The following TBC1D23 variants were observed in gnomAD, a reference collection of about 807,000 sequenced individuals.
The protein encoded by TBC1D23 is TBC1 domain family member 23, also known as HCV non-structural protein 4A-transactivated protein 1.
In TBC1D23, 55 loss-of-function variants were observed where a neutral mutation model predicts 91.4. The ratio of observed to expected loss-of-function variants is 0.60; its 90% CI spans 0.48 to 0.75. TBC1D23 has a LOEUF of 0.75. TBC1D23 is among the 30% of genes least tolerant of loss of function. The probability of loss-of-function intolerance (pLI) is 0.00; values close to 1 mark genes in which losing one functional copy is unlikely to be tolerated. For missense variants in TBC1D23, 725 were observed against 836.1 expected, an observed-to-expected ratio of 0.87 and a Z score of 1.64; for synonymous variants, 289 against 281.0, an observed-to-expected ratio of 1.03 and a Z score of -0.28.
Position 100,297,782 on chromosome 3 carries a change from A to G in TBC1D23, c.877-141A>G, listed in dbSNP as rs538185772. ...TGTAGTTCTTAGCCTATAAAATTTGAGATTATGTAGTATTAAGTTTTAAAA... is the reference window on the plus strand; with the variant it reads ...TGTAGTTCTTAGCCTATAAAATTTGGGATTATGTAGTATTAAGTTTTAAAA... On this transcript the variant is annotated intron_variant, in intron 8 of 18. Coordinates refer to ENST00000394144, the MANE Select transcript of TBC1D23 (RefSeq NM_001199198.3). 15 of 577,834 alleles carry G rather than the reference A, an allele frequency of 2.6e-5. No individual in the cohort carries two copies. The South Asian group carries it at 5.0e-4, about 19-fold the overall frequency. 35.8% of individuals were successfully genotyped at this position (577,834 alleles called of 1,614,324 possible). A position where few individuals can be genotyped will look rare whatever the true frequency, so the allele number is the denominator to read the frequency against.
At chr3:100,310,646 G>T in intron 14 of TBC1D23, 104 bp downstream of exon 14, 1 of 825,442 alleles carries the variant, frequency 1.2e-6, no homozygotes, top group Non-Finnish European at 1.8e-6. Context: ...TTCCAGAAAA[G>T]GATTATAAAG....
At chr3:100,306,390 G>C (rs773306858) in intron 12 of TBC1D23, 47 bp from the exon 13 acceptor site, 3 of 1,105,146 alleles carry the variant, frequency 2.7e-6, no homozygotes, top group African/African-American at 3.1e-5. Context: ...TTTTTCCAAA[G>C]AGTGTTGATA....
At chr3:100,279,450 A>T (rs1005758976) in intron 1 of TBC1D23, 199 bp from the exon 2 acceptor site, 3 of 398,660 alleles carry the variant, frequency 7.5e-6, no homozygotes. Flanking sequence ...AACTAAGGGT[A>T]AAATGAGAGT....
intron 4 of TBC1D23, among the ~76,000 whole-genome samples, chr3:100,286,696 C>T (rs1412415354): frequency 6.6e-6 from 1 of 152,096 alleles, no homozygotes; most frequent in Non-Finnish European, 1.5e-5. Flanking sequence ...TGGGGTTTCA[C>T]CATTGGTCAG....
chr3:100,289,164 G>A (rs1417570473), intron 4 of TBC1D23, among the ~76,000 whole-genome samples: 4 of 151,966 alleles, frequency 2.6e-5, no homozygotes, highest in Admixed American at 6.6e-5. Flanking sequence ...GCAGTGAGCC[G>A]AGATCACGCC....
At chr3:100,321,371 T>C (rs1006488306) in intron 18 of TBC1D23, among the ~76,000 whole-genome samples, 2 of 152,200 alleles carry the variant, frequency 1.3e-5, no homozygotes, top group Non-Finnish European at 2.9e-5. Flanking sequence ...TATAGGTAAT[T>C]TACAGCCTGG....
chr3:100,323,545 G>A, intron 18 of TBC1D23, 42 bp from the exon 19 acceptor site: 3 of 902,472 alleles, frequency 3.3e-6, no homozygotes, highest in South Asian at 3.0e-5. Context: ...ATATACATAT[G>A]TATATATATA....
At chr3:100,288,242 T>TAAAA (rs57164675) in intron 4 of TBC1D23, among the ~76,000 whole-genome samples, 1 of 139,454 alleles carries the variant, frequency 7.2e-6, no homozygotes, top group Admixed American at 7.3e-5. Context: ...AGACCCTGTC[T>TAAAA]AAAAAAAAAA....
chr3:100,289,456 C>A (rs976512501), intron 4 of TBC1D23, among the ~76,000 whole-genome samples: 13 of 152,090 alleles, frequency 8.5e-5, no homozygotes, highest in Admixed American at 3.9e-4. Flanking sequence ...GATAATGCTT[C>A]TGAATTTGAG....
Position 100,323,644 on chromosome 3 carries a change from A to G in TBC1D23, c.2076A>G (p.Lys692=). The G allele has an allele frequency of 6.5e-7, 1 of 1,534,528 alleles. No homozygotes were observed. Among genetic ancestry groups the G allele is most frequent in the Non-Finnish European group, 8.8e-7 (1 of 1,141,364 alleles). The change falls in exon 19 of 19, where the codon AAA becomes AAG. Residue 692 remains lysine, a synonymous_variant. Transcript: ENST00000394144. ...ATKAIKQQIM[K]VLDALES ...AAGCCATAAAACAGCAGATCATGAA[A>G]GTTTTGGATGCTTTGGAAAGTTAAT...
chr3:100,324,224 C>T lies in TBC1D23; in HGVS notation c.*556C>T, dbSNP rs1705915186. 6.6e-6 allele frequency: 1 copy of T among 152,272 alleles called. No individual in the cohort carries two copies. Among genetic ancestry groups the T allele is most frequent in the South Asian group, 2.1e-4 (1 of 4,824 alleles). 9.4% of individuals were successfully genotyped at this position (152,272 alleles called of 1,614,324 possible). Reference sequence around the variant, plus strand: ...TGAAGATTCCTGCCAACTCAAAATACAGTACAGCTAGTAAAATGTTGAAAC... The same window carrying T: ...TGAAGATTCCTGCCAACTCAAAATATAGTACAGCTAGTAAAATGTTGAAAC... On this transcript the variant is annotated 3_prime_UTR_variant, in exon 19 of 19. Transcript: ENST00000394144.
intron 2 of TBC1D23, among the ~76,000 whole-genome samples, chr3:100,280,001 G>T (rs897967382): frequency 6.6e-6 from 1 of 152,110 alleles, no homozygotes; most frequent in East Asian, 1.9e-4. Context: ...TGGTGTTTAT[G>T]GGGCCAGGCA....
At chr3:100,317,005 C>A (rs974709647) in intron 16 of TBC1D23, among the ~76,000 whole-genome samples, 74 of 151,600 alleles carry the variant, frequency 4.9e-4, no homozygotes, top group African/African-American at 1.8e-3. Context: ...ATCGCTTTAA[C>A]CCAGGAGGCG....
intron 15 of TBC1D23, among the ~76,000 whole-genome samples, chr3:100,315,009 T>TA (rs905283334): frequency 4.6e-5 from 7 of 152,174 alleles, no homozygotes; most frequent in African/African-American, 1.7e-4. Context: ...ATTTTAATTT[T>TA]ACCTGTTAGT....
chr3:100,281,277 T>C (rs1210645781), intron 2 of TBC1D23, among the ~76,000 whole-genome samples: 1 of 152,240 alleles, frequency 6.6e-6, no homozygotes, highest in Non-Finnish European at 1.5e-5. Flanking sequence ...GGTCTACCTG[T>C]TGCATTTGGA....
chr3:100,310,846 T>C (rs1254173175), intron 14 of TBC1D23, among the ~76,000 whole-genome samples: 2 of 152,192 alleles, frequency 1.3e-5, no homozygotes, highest in Non-Finnish European at 2.9e-5. Flanking sequence ...AAATGTCAAA[T>C]GGATGGAGAA....
At chr3:100,299,165 AACTGTGAATATTAT>A in intron 9 of TBC1D23, 60 bp from the exon 10 acceptor site, 2 of 928,396 alleles carry the variant, frequency 2.2e-6, no homozygotes, top group Non-Finnish European at 3.4e-6. Context: ...TTATTTGGTT[AACTGTGAATATTAT>A]GTTGTGCAAT....
At chr3:100,306,792 A>C (rs1420266315) in intron 13 of TBC1D23, among the ~76,000 whole-genome samples, 1 of 152,218 alleles carries the variant, frequency 6.6e-6, no homozygotes. Flanking sequence ...TGCTGAATTC[A>C]AATTTCTCCC....
intron 1 of TBC1D23, among the ~76,000 whole-genome samples, chr3:100,269,787 AT>A (rs1305295164): frequency 6.6e-6 from 1 of 152,218 alleles, no homozygotes; most frequent in African/African-American, 2.4e-5. Flanking sequence ...CTGATGTCTC[AT>A]TCCCTGGGCA....
Sources: gnomAD v4.1 joint callset for allele counts (sites outside exome capture counted in the v4.1 genomes callset) on GRCh38, gnomAD v4.1.1 for gene constraint, MANE v1.5 for transcripts, NCBI Gene and HGNC (gene_info 2026-07-23, HGNC 2026-07-21) for gene names.